Variants in TMIGD2 observed in about 807,000 individuals in gnomAD.
TMIGD2 encodes transmembrane and immunoglobulin domain-containing protein 2.
TMIGD2 carries 18 observed loss-of-function variants against 22.6 expected under a neutral mutation model. The ratio of observed to expected loss-of-function variants is 0.80; its 90% CI spans 0.55 to 1.18. TMIGD2 has a LOEUF of 1.18. TMIGD2 is among the 50% of genes most tolerant of loss of function. TMIGD2 has a pLI of 0.00. For missense variants in TMIGD2, 361 were observed against 378.2 expected, an observed-to-expected ratio of 0.95 and a Z score of 0.38; for synonymous variants, 184 against 154.1, an observed-to-expected ratio of 1.19 and a Z score of -1.44.
At position 4,297,639 on chromosome 19, in the gene TMIGD2, G is replaced by A. The variant is rs181150149; in HGVS notation, c.406+347C>T. Among the ~76,000 whole-genome samples the A allele has an allele frequency of 2.7e-3, 406 of 152,214 alleles. 1 individual carries two copies. The highest frequency in any genetic ancestry group is 9.2e-3 in the African/African-American group (383 of 41,538). On this transcript the variant is annotated intron_variant, in intron 2 of 4. Coordinates refer to ENST00000301272, the Ensembl canonical transcript of TMIGD2. ...TGGGAGGCTGAGGCAGGCAGATCAC[G>A]AGGTCAAGAGATCGAGACTATCCTG...
intron 1 of TMIGD2, among the ~76,000 whole-genome samples, chr19:4,300,124 G>A (rs368133658): frequency 1.4e-3 from 206 of 152,052 alleles, no homozygotes; most frequent in African/African-American, 4.8e-3. Context: ...AGCTGGGCAT[G>A]GTGGCGGGTG....
intron 2 of TMIGD2, among the ~76,000 whole-genome samples, chr19:4,296,921 G>T (rs1971468758): frequency 6.6e-6 from 1 of 152,170 alleles, no homozygotes; most frequent in South Asian, 2.1e-4. Context: ...TGGCAAAGGG[G>T]ACAGTGCATA....
intron 1 of TMIGD2, among the ~76,000 whole-genome samples, chr19:4,298,872 A>C (rs1971498911): frequency 6.6e-6 from 1 of 152,208 alleles, no homozygotes; most frequent in South Asian, 2.1e-4. Flanking sequence ...ATTCTGAGAT[A>C]GTCTCCAGTA....
exon 2 of TMIGD2, chr19:4,298,067 C>A: frequency 6.2e-7 from 1 of 1,613,734 alleles, no homozygotes. Context: ...CACACGTACG[C>A]CCCGCTGTGG....
chr19:4,293,094 G>C (rs867753240), intron 4 of TMIGD2, among the ~76,000 whole-genome samples: 4 of 151,986 alleles, frequency 2.6e-5, no homozygotes, highest in Middle Eastern at 3.4e-3. Flanking sequence ...CTCCCAACTA[G>C]CTGGGACTAC....
At chr19:4,300,925 G>A (rs1263019359) in intron 1 of TMIGD2, among the ~76,000 whole-genome samples, 1 of 152,112 alleles carries the variant, frequency 6.6e-6, no homozygotes, top group Non-Finnish European at 1.5e-5. Context: ...AAGTGTGATG[G>A]AAAATCAGAA....
At chr19:4,302,154 C>A (rs1344558723) in intron 1 of TMIGD2, among the ~76,000 whole-genome samples, 186 bp downstream of exon 1, 2 of 151,914 alleles carry the variant, frequency 1.3e-5, no homozygotes, top group Non-Finnish European at 2.9e-5. Flanking sequence ...TAGATTGTAT[C>A]CTAGGGGCCC....
chr19:4,300,998 G>A (rs577376092), intron 1 of TMIGD2, among the ~76,000 whole-genome samples: 3 of 149,084 alleles, frequency 2.0e-5, no homozygotes, highest in African/African-American at 7.3e-5. Flanking sequence ...TTTGAGATGG[G>A]GTCTCACTCT....
intron 2 of TMIGD2, 77 bp from the exon 3 acceptor site, chr19:4,294,893 T>TTAGGTCCCCCC: frequency 2.2e-6 from 3 of 1,343,672 alleles, no homozygotes; most frequent in Non-Finnish European, 3.0e-6. Flanking sequence ...TGGGGGGACC[T>TTAGGTCCCCCC]AAGTGTTCCT....
chr19:4,292,304 C>T (rs994114378), exon 5 of TMIGD2: 13 of 380,326 alleles, frequency 3.4e-5, no homozygotes, highest in Admixed American at 4.5e-5. Context: ...GAAATGAGGA[C>T]GGGGTCTCAG....
chr19:4,299,912 T>C (rs968884084), intron 1 of TMIGD2, among the ~76,000 whole-genome samples: 1 of 151,790 alleles, frequency 6.6e-6, no homozygotes, highest in African/African-American at 2.4e-5. Flanking sequence ...CATCTCATTC[T>C]ATTGCCCAGT....
exon 5 of TMIGD2, chr19:4,292,576 C>G (rs767233750): frequency 1.2e-6 from 2 of 1,605,402 alleles, no homozygotes; most frequent in South Asian, 2.2e-5. Context: ...GGGTGGGGTC[C>G]TGTTGAGGTC....
chr19:4,298,762 A>G (rs182592479), intron 1 of TMIGD2, among the ~76,000 whole-genome samples: 4 of 152,132 alleles, frequency 2.6e-5, no homozygotes, highest in Admixed American at 6.6e-5. Context: ...AAAAAAAACC[A>G]AAGAACCTCA....
exon 4 of TMIGD2, chr19:4,294,644 C>T (rs1333076589): frequency 2.5e-6 from 4 of 1,602,606 alleles, no homozygotes; most frequent in Admixed American, 1.7e-5. Context: ...CGCAGCCACA[C>T]CCATGCTTCC....
At chr19:4,297,849 T>TCTGG in intron 2 of TMIGD2, 137 bp downstream of exon 2, 1 of 1,230,442 alleles carries the variant, frequency 8.1e-7, no homozygotes, top group African/African-American at 2.0e-5. Flanking sequence ...AGAGCAAGAC[T>TCTGG]CTGTCTCTTA....
chr19:4,293,672 C>CTG (rs1246901141), intron 4 of TMIGD2, among the ~76,000 whole-genome samples: 1 of 151,850 alleles, frequency 6.6e-6, no homozygotes, highest in Non-Finnish European at 1.5e-5. Flanking sequence ...CTATAGCTCA[C>CTG]TGCAGCCTCC....
At chr19:4,300,604 C>G (rs1287944453) in intron 1 of TMIGD2, among the ~76,000 whole-genome samples, 1 of 152,210 alleles carries the variant, frequency 6.6e-6, no homozygotes, top group Non-Finnish European at 1.5e-5. Flanking sequence ...GATCCTCCCA[C>G]CTCAGCCTCC....
chr19:4,292,584 G>A (rs200584828), exon 5 of TMIGD2: 12 of 1,609,682 alleles, frequency 7.5e-6, no homozygotes, highest in African/African-American at 1.3e-5. Flanking sequence ...TCCTGTTGAG[G>A]TCTCCTGGGA....
At chr19:4,301,100 G>A (rs1449512262) in intron 1 of TMIGD2, among the ~76,000 whole-genome samples, 1 of 152,076 alleles carries the variant, frequency 6.6e-6, no homozygotes, top group Non-Finnish European at 1.5e-5. Flanking sequence ...AGCCTCTTGA[G>A]TAGCTGGGAC....
Sources: gnomAD v4.1 joint callset for allele counts (sites outside exome capture counted in the v4.1 genomes callset) on GRCh38, gnomAD v4.1.1 for gene constraint, MANE v1.5 for transcripts, NCBI Gene and HGNC (gene_info 2026-07-23, HGNC 2026-07-21) for gene names.